Variants in CFAP299 observed in about 807,000 individuals in gnomAD.
CFAP299 encodes the protein cilia and flagella associated protein 299.
CFAP299 carries 21 observed loss-of-function variants against 27.0 expected under a neutral mutation model. That is an observed-to-expected ratio of 0.78 (90% CI 0.55 to 1.12). The LOEUF is 1.12. CFAP299 is among the 50% of genes most tolerant of loss of function. The probability of loss-of-function intolerance (pLI) is 0.00; values close to 1 mark genes in which losing one functional copy is unlikely to be tolerated. For synonymous variants in CFAP299, 104 were observed against 98.1 expected (o/e 1.06, Z -0.36); for missense variants, 310 against 276.6 (o/e 1.12, Z -0.86).
chr4:80,674,242 GC>G (rs1719233232), intron 3 of CFAP299, among the ~76,000 whole-genome samples: 1 of 152,118 alleles, frequency 6.6e-6, no homozygotes, highest in Non-Finnish European at 1.5e-5. Context: ...CTCAGCATTT[GC>G]TTGTCTGTAA....
chr4:80,599,870 A>ACCAAATCATAAT, intron 3 of CFAP299, among the ~76,000 whole-genome samples: 1 of 152,250 alleles, frequency 6.6e-6, no homozygotes, highest in Non-Finnish European at 1.5e-5. Context: ...GGCCTTTAGC[A>ACCAAATCATAAT]ATGATGCAAA....
chr4:80,655,858 C>T (rs1740529455), intron 3 of CFAP299, among the ~76,000 whole-genome samples: 3 of 152,098 alleles, frequency 2.0e-5, no homozygotes, highest in African/African-American at 7.2e-5. Flanking sequence ...CACAAAGAAA[C>T]GTACACTTTT....
chr4:80,572,507 G>GTTTTTTTTTATTTTTTTTTTTTT, intron 2 of CFAP299, among the ~76,000 whole-genome samples: 1 of 36,380 alleles, frequency 2.7e-5, no homozygotes, highest in Non-Finnish European at 5.2e-5. Flanking sequence ...CTGGATCCCA[G>GTTTTTTTTTATTTTTTTTTTTTT]TTTTTTTTTT....
intron 2 of CFAP299, among the ~76,000 whole-genome samples, chr4:80,416,474 A>T (rs1482312042): frequency 2.6e-5 from 4 of 152,198 alleles, no homozygotes. Context: ...ATTTTACCGT[A>T]AGTGTAAATA....
chr4:80,775,677 A>G (rs1225456069), intron 3 of CFAP299, among the ~76,000 whole-genome samples: 20 of 152,140 alleles, frequency 1.3e-4, no homozygotes, highest in Admixed American at 1.3e-3. Context: ...CAGCCCAAAT[A>G]TGTTTGTAAA....
At chr4:80,821,762 C>T (rs539954649) in intron 3 of CFAP299, among the ~76,000 whole-genome samples, 2 of 152,212 alleles carry the variant, frequency 1.3e-5, no homozygotes, top group South Asian at 4.1e-4. Context: ...ACACAGCACA[C>T]GAATAATAAA....
At chr4:80,339,876 T>C (rs1722355025) in intron 1 of CFAP299, among the ~76,000 whole-genome samples, 1 of 152,192 alleles carries the variant, frequency 6.6e-6, no homozygotes, top group African/African-American at 2.4e-5. Flanking sequence ...CTAATTAACC[T>C]GCTTTTCTCA....
At chr4:80,651,096 T>A (rs991017181) in intron 3 of CFAP299, among the ~76,000 whole-genome samples, 1 of 152,156 alleles carries the variant, frequency 6.6e-6, no homozygotes, top group African/African-American at 2.4e-5. Flanking sequence ...AATTTTATAT[T>A]AATGTACTTT....
intron 2 of CFAP299, among the ~76,000 whole-genome samples, chr4:80,548,054 T>C (rs1474468339): frequency 6.6e-6 from 1 of 152,156 alleles, no homozygotes; most frequent in Admixed American, 6.6e-5. Context: ...TAAATTGTTC[T>C]ATCAAAAAGG....
At chr4:80,537,139 T>C (rs369410126) in intron 2 of CFAP299, among the ~76,000 whole-genome samples, 1 of 152,092 alleles carries the variant, frequency 6.6e-6, no homozygotes, top group African/African-American at 2.4e-5. Flanking sequence ...AAAAGGTCAA[T>C]GTAGTATCGC....
chr4:80,377,293 T>G (rs1411869147), intron 2 of CFAP299, among the ~76,000 whole-genome samples: 1 of 152,170 alleles, frequency 6.6e-6, no homozygotes, highest in African/African-American at 2.4e-5. Flanking sequence ...TAAACTAATT[T>G]TGTAAATTTT....
At position 80,664,185 on chromosome 4, in the gene CFAP299, G is replaced by A. The variant is rs527311882; in HGVS notation, c.333+81002G>A. The stretch of plus-strand genomic sequence containing the variant: ...CTGGGTTTCAAGCACAAAACTGGGC[G>A]GCTGTTTGGGCAGACACCAAGCTAG... On this transcript the variant is annotated intron_variant, in intron 3 of 5. Transcript: ENST00000358105. 4.6e-5 allele frequency among the ~76,000 whole-genome samples: 7 copies of A among 152,140 alleles called. No homozygotes were observed. In the East Asian group the frequency reaches 5.8e-4, roughly 13 times the overall value.
At position 80,362,900 on chromosome 4, in the gene CFAP299, C is replaced by T; in HGVS notation, c.242+16C>T. On this transcript the variant is annotated intron_variant, in intron 2 of 5. Transcript: ENST00000358105. ...CTCAGCAAAAGTAAGTGTCCATGTT[C>T]CAAATCCAGATTTTATGTTATATTC... The T allele has an allele frequency of 6.3e-7, 1 of 1,592,258 alleles. No homozygotes were observed. The highest frequency in any genetic ancestry group is 8.5e-7 in the Non-Finnish European group (1 of 1,173,594).
At chr4:80,921,167 A>C (rs1050526048) in intron 4 of CFAP299, among the ~76,000 whole-genome samples, 1 of 152,084 alleles carries the variant, frequency 6.6e-6, no homozygotes, top group African/African-American at 2.4e-5. Context: ...TATTTTCAAA[A>C]TTGATATCAT....
intron 2 of CFAP299, among the ~76,000 whole-genome samples, chr4:80,505,875 C>T (rs977649837): frequency 1.1e-4 from 16 of 151,924 alleles, no homozygotes; most frequent in African/African-American, 3.9e-4. Context: ...AGGAGGATTT[C>T]TTGAGGTCAG....
chr4:80,554,613 G>T (rs1178368838), intron 2 of CFAP299, among the ~76,000 whole-genome samples: 2 of 144,366 alleles, frequency 1.4e-5, no homozygotes, highest in African/African-American at 5.1e-5. Context: ...TAATGTTATT[G>T]ATTCTTTCTA....
At chr4:80,909,055 T>C in intron 4 of CFAP299, among the ~76,000 whole-genome samples, 1 of 152,164 alleles carries the variant, frequency 6.6e-6, no homozygotes, top group Non-Finnish European at 1.5e-5. Context: ...ATGCTATACA[T>C]ACATAGTTTT....
intron 3 of CFAP299, among the ~76,000 whole-genome samples, chr4:80,749,005 T>C (rs1046245646): frequency 1.3e-5 from 2 of 152,358 alleles, no homozygotes; most frequent in Admixed American, 1.3e-4. Flanking sequence ...TTTTTCTCTG[T>C]ACAGTGTGAT....
intron 2 of CFAP299, among the ~76,000 whole-genome samples, chr4:80,508,261 G>C (rs894376509): frequency 2.8e-4 from 42 of 152,142 alleles, no homozygotes; most frequent in African/African-American, 9.7e-4. Context: ...GAGAGGGGTT[G>C]TGAAATGATA....
Sources: allele counts gnomAD v4.1 joint callset (sites outside exome capture counted in the v4.1 genomes callset), GRCh38; gene constraint gnomAD v4.1.1; transcripts MANE v1.5; gene names NCBI Gene and HGNC (gene_info 2026-07-23, HGNC 2026-07-21).